The following FRMD4A variants were observed in gnomAD, a reference collection of about 807,000 sequenced individuals.
The protein encoded by FRMD4A is FERM domain-containing protein 4A.
FRMD4A carries 29 observed loss-of-function variants against 129.1 expected under a neutral mutation model. The ratio of observed to expected loss-of-function variants is 0.22; its 90% CI spans 0.17 to 0.31. The LOEUF (loss-of-function observed/expected upper bound fraction) is 0.31, where lower values mean the gene tolerates loss of function less well. Among genes scored for constraint, FRMD4A ranks in the 10% least tolerant of loss-of-function variants. The pLI, the probability that FRMD4A is intolerant of heterozygous loss-of-function variation, is 1.00. For synonymous variants in FRMD4A, 634 were observed against 571.6 expected (o/e 1.11, Z -1.56); for missense variants, 1,272 against 1,375.8 (o/e 0.92, Z 1.19).
intron 2 of FRMD4A, among the ~76,000 whole-genome samples, chr10:14,191,792 C>G (rs1049918664): frequency 8.3e-5 from 8 of 95,954 alleles, no homozygotes; most frequent in Non-Finnish European, 1.5e-4. Context: ...GCTCAACTGG[C>G]TGTTTTTTTT....
intron 3 of FRMD4A, among the ~76,000 whole-genome samples, chr10:13,811,275 T>C (rs1430579137): frequency 6.7e-6 from 1 of 149,540 alleles, no homozygotes; most frequent in East Asian, 2.0e-4. Context: ...TATAGGCATA[T>C]GCCACCACGC....
rs561977445 is a variant in FRMD4A at position 13,776,722 on chromosome 10, T to C, written c.384+6200A>G. ...TACCTTGACAACTTAGATTTTAACATACAGTAGGAACCGTTCCCCAAGAGA... is the reference window on the plus strand; with the variant it reads ...TACCTTGACAACTTAGATTTTAACACACAGTAGGAACCGTTCCCCAAGAGA... On this transcript the variant is annotated intron_variant, in intron 6 of 24. Coordinates refer to ENST00000357447, the MANE Select transcript of FRMD4A (RefSeq NM_018027.5). Among the ~76,000 whole-genome samples, 4 of 152,336 alleles carry C rather than the reference T, an allele frequency of 2.6e-5. No individual in the cohort carries two copies. In the South Asian group the frequency reaches 8.3e-4, roughly 32 times the overall value.
intron 4 of FRMD4A, among the ~76,000 whole-genome samples, chr10:13,803,938 A>G (rs549701738): frequency 1.6e-4 from 25 of 152,244 alleles, no homozygotes; most frequent in Admixed American, 1.1e-3. Context: ...CCCTCCGGTC[A>G]TTTGCATTGG....
intron 2 of FRMD4A, among the ~76,000 whole-genome samples, chr10:13,982,269 C>T (rs188699809): frequency 1.4e-3 from 206 of 151,968 alleles, no homozygotes; most frequent in Admixed American, 2.7e-3. Flanking sequence ...GGATCACTTG[C>T]GCCCAGGAGT....
chr10:14,154,823 C>T (rs931564845), intron 2 of FRMD4A, among the ~76,000 whole-genome samples: 3 of 152,188 alleles, frequency 2.0e-5, no homozygotes, highest in East Asian at 1.9e-4. Flanking sequence ...AACAATACAG[C>T]GAGAGGCCCT....
At position 14,317,392 on chromosome 10, in the gene FRMD4A, C is replaced by CCA. The variant is rs551691124; in HGVS notation, c.45+12664_45+12665dup. Among the ~76,000 whole-genome samples the CCA allele has an allele frequency of 2.5e-3, 380 of 152,258 alleles. 2 individuals carry two copies. Among genetic ancestry groups the CCA allele is most frequent in the African/African-American group, 8.6e-3 (356 of 41,530 alleles). ...TACTGTCCACTACCACTTACCTCAC[C>CCA]CACCTATAATCCTCCAGAACCTTCA... On this transcript the variant is annotated intron_variant, in intron 2 of 24. Transcript: ENST00000357447.
Position 13,660,446 on chromosome 10 carries a change from C to T in FRMD4A, c.1768G>A (p.Gly590Arg), listed in dbSNP as rs751774698. Reference protein sequence around the residue: ...NRPPPPQSLEGLRQMHYHRND... With the variant: ...NRPPPPQSLERLRQMHYHRND... ...CGGTGATAGTGCATCTGTCGGAGTC[C>T]CTCCAGGGACTGGGGAGGAGGAGGC... Residue 590 changes from glycine (G) to arginine (R), a missense_variant, in exon 20 of 25, where the codon GGA becomes AGA. This residue lies in a region of FRMD4A where 972 missense variants were observed against 892.3 expected (regional missense o/e 1.09). Transcript: ENST00000357447. 1 of 1,614,014 alleles carries T rather than the reference C, an allele frequency of 6.2e-7. No homozygotes were observed. The highest frequency in any genetic ancestry group is 1.1e-5 in the South Asian group (1 of 91,076).
At chr10:13,741,938 C>T (rs774739579) in intron 9 of FRMD4A, among the ~76,000 whole-genome samples, 13 of 152,238 alleles carry the variant, frequency 8.5e-5, no homozygotes, top group Non-Finnish European at 1.8e-4. Flanking sequence ...CTCACCGCAA[C>T]CTCTGCCTCC....
chr10:13,793,344 G>A (rs1406136783), intron 5 of FRMD4A, among the ~76,000 whole-genome samples: 8 of 152,062 alleles, frequency 5.3e-5, no homozygotes, highest in South Asian at 2.1e-4. Context: ...GCTAATTTTT[G>A]TATTTTTAGT....
rs898772611 is a variant in FRMD4A, at chr10:14,262,726, A to G, written c.45+67332T>C. Among the ~76,000 whole-genome samples, 4 of 152,192 alleles carry G rather than the reference A, an allele frequency of 2.6e-5. 1 individual carries two copies. Among genetic ancestry groups the G allele is most frequent in the East Asian group, 1.9e-4 (1 of 5,198 alleles). On this transcript the variant is annotated intron_variant, in intron 2 of 24. Coordinates refer to ENST00000357447, the MANE Select transcript of FRMD4A (RefSeq NM_018027.5). ...CCGAGACAAATTATAAAGCTCCAGTAATGGGGAAAAACACAGAAAGAACTC... is the reference window on the plus strand; with the variant it reads ...CCGAGACAAATTATAAAGCTCCAGTGATGGGGAAAAACACAGAAAGAACTC...
intron 2 of FRMD4A, among the ~76,000 whole-genome samples, chr10:14,264,831 G>A (rs1432082195): frequency 3.3e-5 from 5 of 152,102 alleles, no homozygotes. Flanking sequence ...GCCCAGGCTG[G>A]AGTGCAGTGG....
chr10:14,306,942 C>T (rs2480545), intron 2 of FRMD4A, among the ~76,000 whole-genome samples: 9,203 of 152,200 alleles, frequency 0.06, 680 homozygotes, highest in African/African-American at 0.18. Flanking sequence ...ATTTAGCAAA[C>T]TCATAATCCT....
chr10:13,766,442 G>A (rs955407887), intron 6 of FRMD4A, among the ~76,000 whole-genome samples: 21 of 152,142 alleles, frequency 1.4e-4, no homozygotes, highest in Non-Finnish European at 1.9e-4. Flanking sequence ...AGATTCAAGC[G>A]CCCCAGGCAT....
chr10:13,733,495 G>A (rs190761880), intron 12 of FRMD4A, among the ~76,000 whole-genome samples: 39 of 152,102 alleles, frequency 2.6e-4, no homozygotes, highest in African/African-American at 7.2e-4. Context: ...AAATCTCAGC[G>A]CACTGCAACC....
chr10:14,097,943 T>C (rs1379208865), intron 2 of FRMD4A, among the ~76,000 whole-genome samples: 1 of 145,414 alleles, frequency 6.9e-6, no homozygotes, highest in African/African-American at 2.5e-5. Flanking sequence ...ATATTACATA[T>C]ATTATATACA....
chr10:13,767,240 T>G (rs1245158476), intron 6 of FRMD4A, among the ~76,000 whole-genome samples: 1 of 151,960 alleles, frequency 6.6e-6, no homozygotes, highest in Non-Finnish European at 1.5e-5. Flanking sequence ...AGAGGTGGCT[T>G]TTCATTTATT....
intron 3 of FRMD4A, among the ~76,000 whole-genome samples, chr10:13,855,800 C>T (rs2094204127): frequency 1.3e-5 from 2 of 151,970 alleles, no homozygotes; most frequent in Non-Finnish European, 2.9e-5. Context: ...TCCAGATTCC[C>T]TTTAGAAAGG....
intron 2 of FRMD4A, among the ~76,000 whole-genome samples, chr10:14,307,273 G>T (rs1016058774): frequency 1.3e-5 from 2 of 152,246 alleles, no homozygotes; most frequent in African/African-American, 4.8e-5. Context: ...AATCGGCACT[G>T]CAGGAAGGCT....
At chr10:13,711,599 A>T (rs1282485082) in intron 12 of FRMD4A, among the ~76,000 whole-genome samples, 1 of 152,242 alleles carries the variant, frequency 6.6e-6, no homozygotes, top group Non-Finnish European at 1.5e-5. Flanking sequence ...ATGGCCAATT[A>T]TATCCAAGGA....
Sources: allele counts gnomAD v4.1 joint callset (sites outside exome capture counted in the v4.1 genomes callset), GRCh38; gene constraint gnomAD v4.1.1; regional missense constraint gnomAD v4.1.1; transcripts MANE v1.5; gene names NCBI Gene and HGNC (gene_info 2026-07-23, HGNC 2026-07-21).